ATG2B: variants seen among roughly 807,000 people sequenced by gnomAD.
The protein encoded by ATG2B is autophagy related 2B, also known as autophagy-related protein 2 homolog B.
A neutral mutation model predicts 241.3 loss-of-function variants in ATG2B; 121 were observed. The observed-to-expected ratio is 0.50, with a 90% CI of 0.43 to 0.58. The LOEUF is 0.58. Among genes scored for constraint, ATG2B ranks in the 20% least tolerant of loss-of-function variants. The pLI is 0.00. For synonymous variants in ATG2B, 858 were observed against 876.6 expected (o/e 0.98, Z 0.37); for missense variants, 2,306 against 2,491.6 (o/e 0.93, Z 1.59).
Position 96,344,664 on chromosome 14 carries a change from G to T in ATG2B, c.571C>A (p.Arg191=), listed in dbSNP as rs753967492. The change falls in exon 4 of 42, where the codon CGA becomes AGA. Residue 191 remains arginine (R), a synonymous_variant. Transcript: ENST00000359933. ...NSKTGTALEI[R]IERTVYCDET... ...CATAAGAATTCTTACCTTTCTATTCGAATTTCAAGTGCAGTTCCAGTTTTG... is the reference window on the plus strand; with the variant it reads ...CATAAGAATTCTTACCTTTCTATTCTAATTTCAAGTGCAGTTCCAGTTTTG... The T allele has an allele frequency of 1.3e-6, 2 of 1,590,444 alleles. No individual in the cohort carries two copies. Among genetic ancestry groups the T allele is most frequent in the Admixed American group, 1.7e-5 (1 of 58,128 alleles).
intron 23 of ATG2B, 26 bp from the exon 24 acceptor site, chr14:96,313,461 C>T: frequency 1.5e-6 from 2 of 1,300,836 alleles, no homozygotes; most frequent in Non-Finnish European, 2.1e-6. Context: ...ATTAAAACGC[C>T]CTGCTTTAGA....
intron 18 of ATG2B, 99 bp downstream of exon 18, chr14:96,322,013 A>T: frequency 1.2e-6 from 1 of 859,444 alleles, no homozygotes; most frequent in East Asian, 2.8e-5. Flanking sequence ...GAGATGGCAT[A>T]TAATATTCAG....
At chr14:96,286,450 A>G (rs114390497) in intron 41 of ATG2B, among the ~76,000 whole-genome samples, 1,988 of 152,352 alleles carry the variant, frequency 0.013, 55 homozygotes, top group African/African-American at 0.045. Context: ...AAAATGGAAA[A>G]TTCAATTAAG....
At chr14:96,339,863 A>T (rs1595326110) in intron 6 of ATG2B, among the ~76,000 whole-genome samples, 1 of 151,734 alleles carries the variant, frequency 6.6e-6, no homozygotes, top group African/African-American at 2.4e-5. Context: ...CCTGTATCCC[A>T]AAAACAACTG....
intron 14 of ATG2B, among the ~76,000 whole-genome samples, chr14:96,327,438 G>C (rs1166983131): frequency 1.3e-5 from 2 of 152,066 alleles, no homozygotes; most frequent in Non-Finnish European, 2.9e-5. Context: ...AATTTGCTTA[G>C]AAAAGACCCC....
At position 96,363,047 on chromosome 14, in the gene ATG2B, G is replaced by C; in HGVS notation, c.-71C>G. ...GCTCCGGCCTCGGGGTAGCGACTCC[G>C]GCTCCAGGCCGCGGCGGGGCCTAAG... On this transcript the variant is annotated 5_prime_UTR_variant, in exon 1 of 42. Coordinates refer to ENST00000359933, the MANE Select transcript of ATG2B (RefSeq NM_018036.7). 1.3e-6 allele frequency: 2 copies of C among 1,577,114 alleles called. No individual in the cohort carries two copies. The highest frequency in any genetic ancestry group is 2.2e-5 in the South Asian group (2 of 89,544).
chr14:96,357,728 G>A (rs1888517283), intron 1 of ATG2B, among the ~76,000 whole-genome samples: 1 of 151,000 alleles, frequency 6.6e-6, no homozygotes, highest in Admixed American at 6.6e-5. Flanking sequence ...TTAAAAAAAT[G>A]GCCCATCATA....
At chr14:96,295,590 G>C in intron 34 of ATG2B, 30 bp from the exon 35 acceptor site, 3 of 1,436,220 alleles carry the variant, frequency 2.1e-6, no homozygotes, top group Non-Finnish European at 1.9e-6. Context: ...TTTTAACTAA[G>C]GAAGAAAAGA....
At chr14:96,296,848 T>C (rs950898864) in intron 34 of ATG2B, among the ~76,000 whole-genome samples, 1 of 150,460 alleles carries the variant, frequency 6.6e-6, no homozygotes, top group Non-Finnish European at 1.5e-5. Context: ...AGGGTCAAAA[T>C]ATTTAGTGGC....
At chr14:96,354,205 A>G (rs921974708) in intron 1 of ATG2B, among the ~76,000 whole-genome samples, 2 of 152,194 alleles carry the variant, frequency 1.3e-5, no homozygotes, top group African/African-American at 4.8e-5. Context: ...AATGTGTCCC[A>G]TGGTGGTTTG....
At position 96,329,551 on chromosome 14, in the gene ATG2B, C is replaced by T; in HGVS notation, c.1814G>A (p.Gly605Glu). 1 of 1,612,332 alleles carries T rather than the reference C, an allele frequency of 6.2e-7. No homozygotes were observed. Among genetic ancestry groups the T allele is most frequent in the Non-Finnish European group, 8.5e-7 (1 of 1,178,738 alleles). The part of the protein sequence containing the change: ...SRYFSTDMSI[G>E]QMEFLECLFP... ...TAGGCACTCCAAAAATTCCATTTGC[C>T]CAATGGACATATCAGTACTAAAATA... The change falls in exon 12 of 42, where the codon GGG becomes GAG. Residue 605 changes from glycine (G) to glutamate (E), a missense_variant. Coordinates refer to ENST00000359933, the MANE Select transcript of ATG2B (RefSeq NM_018036.7).
At position 96,312,224 on chromosome 14, in the gene ATG2B, A is replaced by C. The variant is rs372329517; in HGVS notation, c.3843-65T>G. On this transcript the variant is annotated intron_variant, in intron 25 of 41. Transcript: ENST00000359933. Reference sequence around the variant, plus strand: ...GCTTTGAGTATCATACCCCATAATCACTATATGCTTAATTGCATCATTCTT... The same window carrying C: ...GCTTTGAGTATCATACCCCATAATCCCTATATGCTTAATTGCATCATTCTT... The C allele has an allele frequency of 7.8e-5, 83 of 1,068,620 alleles. No individual in the cohort carries two copies. In the African/African-American group the frequency reaches 1.2e-3, roughly 15 times the overall value. 66.2% of individuals were successfully genotyped at this position (1,068,620 alleles called of 1,614,324 possible). A position where few individuals can be genotyped will look rare whatever the true frequency, so the allele number is the denominator to read the frequency against.
intron 5 of ATG2B, among the ~76,000 whole-genome samples, chr14:96,342,446 A>T (rs879339437): frequency 5.9e-5 from 9 of 152,244 alleles, no homozygotes; most frequent in Non-Finnish European, 1.2e-4. Flanking sequence ...AATGGGCCAG[A>T]CGTGGTGGCT....
At chr14:96,339,957 T>G (rs1887967545) in intron 6 of ATG2B, among the ~76,000 whole-genome samples, 1 of 150,820 alleles carries the variant, frequency 6.6e-6, no homozygotes, top group African/African-American at 2.4e-5. Context: ...CCACATAAGG[T>G]ATATACCCAC....
chr14:96,336,247 C>A (rs1422111026), intron 6 of ATG2B, among the ~76,000 whole-genome samples: 1 of 151,838 alleles, frequency 6.6e-6, no homozygotes, highest in Admixed American at 6.6e-5. Context: ...GATTAAAGAT[C>A]TGACATTTTC....
intron 13 of ATG2B, 32 bp from the exon 14 acceptor site, chr14:96,328,567 A>G (rs755163328): frequency 1.3e-6 from 2 of 1,571,720 alleles, no homozygotes; most frequent in Non-Finnish European, 1.7e-6. Context: ...AGGCATTAAT[A>G]CAATCACTAA....
At chr14:96,355,053 G>A (rs1271666823) in intron 1 of ATG2B, among the ~76,000 whole-genome samples, 1 of 152,062 alleles carries the variant, frequency 6.6e-6, no homozygotes, top group Admixed American at 6.6e-5. Context: ...TTTGTCAGAC[G>A]GATAGCTTGC....
Position 96,326,313 on chromosome 14 carries a change from T to A in ATG2B, c.2164-391A>T, listed in dbSNP as rs549369187. ...TCCAACATTCAGTTTGAAAGACTTT[T>A]CTACCAATATATGATTTTAAATACT... On this transcript the variant is annotated intron_variant, in intron 14 of 41. Transcript: ENST00000359933. 5.9e-5 allele frequency among the ~76,000 whole-genome samples: 9 copies of A among 152,334 alleles called. No homozygotes were observed. The East Asian group carries it at 1.7e-3, about 29-fold the overall frequency.
At chr14:96,336,697 T>C (rs1887877614) in intron 6 of ATG2B, among the ~76,000 whole-genome samples, 3 of 152,238 alleles carry the variant, frequency 2.0e-5, no homozygotes, top group African/African-American at 4.8e-5. Context: ...GTTATTGCTA[T>C]GCTTCCTCCT....
Sources: gnomAD v4.1 joint callset for allele counts (sites outside exome capture counted in the v4.1 genomes callset) on GRCh38, gnomAD v4.1.1 for gene constraint, MANE v1.5 for transcripts, NCBI Gene and HGNC (gene_info 2026-07-23, HGNC 2026-07-21) for gene names.